Variants in GNB1 observed in about 807,000 individuals in gnomAD.
GNB1 encodes the protein guanine nucleotide-binding protein G(I)/G(S)/G(T) subunit beta-1.
Under a neutral mutation model 42.9 loss-of-function variants are expected in GNB1, and 2 were observed. The ratio of observed to expected loss-of-function variants is 0.05; its 90% CI spans 0.02 to 0.15. GNB1 has a LOEUF of 0.15. Ranked by LOEUF, GNB1 falls within the 10% of genes least tolerant of loss-of-function variation. The pLI is 1.00. For synonymous variants in GNB1, 183 were observed against 174.7 expected, an observed-to-expected ratio of 1.05 and a Z score of -0.38; for missense variants, 193 against 462.2, an observed-to-expected ratio of 0.42 and a Z score of 5.34.
chr1:1,881,349 T>C (rs1649835922), intron 1 of GNB1, among the ~76,000 whole-genome samples: 1 of 152,072 alleles, frequency 6.6e-6, no homozygotes. Context: ...AACTACCAAG[T>C]AATGATCCCC....
At chr1:1,818,777 C>A (rs887079868) in intron 3 of GNB1, among the ~76,000 whole-genome samples, 16 of 152,090 alleles carry the variant, frequency 1.1e-4, no homozygotes, top group African/African-American at 3.9e-4. Context: ...GCAGGAGAAT[C>A]ACTTGAACCC....
chr1:1,792,002 T>C (rs1646487026), intron 8 of GNB1, among the ~76,000 whole-genome samples: 1 of 152,100 alleles, frequency 6.6e-6, no homozygotes, highest in African/African-American at 2.4e-5. Context: ...ACTGCGTGAC[T>C]AGGGGTCTGT....
In GNB1 at chr1:1,831,258, G is replaced by A. The variant is rs556975867; in HGVS notation, c.-46-5759C>T. On this transcript the variant is annotated intron_variant, in intron 2 of 11. Coordinates refer to ENST00000378609, the MANE Select transcript of GNB1 (RefSeq NM_002074.5). ...AGGCTGAGGTGGGAGGATCGCTTGA[G>A]TCCAGGAGTTCAAGGCTGCAGTGAG... 1.3e-4 allele frequency among the ~76,000 whole-genome samples: 20 copies of A among 152,008 alleles called. No homozygotes were observed. In the East Asian group the frequency reaches 3.9e-3, roughly 30 times the overall value.
At chr1:1,830,968 A>C (rs1380878601) in intron 2 of GNB1, among the ~76,000 whole-genome samples, 1 of 152,182 alleles carries the variant, frequency 6.6e-6, no homozygotes, top group Non-Finnish European at 1.5e-5. Flanking sequence ...GTTCGAGACC[A>C]GCCTGGCCAA....
chr1:1,819,915 T>C (rs1004134452), intron 3 of GNB1, among the ~76,000 whole-genome samples: 1 of 152,202 alleles, frequency 6.6e-6, no homozygotes, highest in Non-Finnish European at 1.5e-5. Context: ...GCAAATGGCA[T>C]GTGCAGCCCT....
chr1:1,804,442 C>T lies in GNB1; in HGVS notation c.407G>A (p.Ser136Asn), dbSNP rs1231913780. The T allele has an allele frequency of 1.2e-6, 2 of 1,613,886 alleles. No individual in the cohort carries two copies. Among genetic ancestry groups the T allele is most frequent in the South Asian group, 2.2e-5 (2 of 91,062 alleles). ...ACCTGTGTGTCCTGCCAGCTCACGACTCACGCGCACGTTCCCCTCACGAGT... is the reference window on the plus strand; with the variant it reads ...ACCTGTGTGTCCTGCCAGCTCACGATTCACGCGCACGTTCCCCTCACGAGT... ...LKTREGNVRV[S>N]RELAGHTGYL... Residue 136 changes from serine (S) to asparagine (N), a missense_variant, in exon 7 of 12, where the codon AGT (serine) becomes AAT (asparagine). Physicochemically the swap from Ser to Asn is conservative, Grantham distance 46. This residue lies in a region of GNB1 where 150 missense variants were observed against 410.8 expected (regional missense o/e 0.37). Transcript: ENST00000378609.
At chr1:1,804,352 C>T (rs1646667686) in intron 7 of GNB1, 67 bp downstream of exon 7, 7 of 1,026,558 alleles carry the variant, frequency 6.8e-6, no homozygotes, top group South Asian at 6.7e-5. Context: ...AGTGAGTATC[C>T]AAAGCATATA....
intron 2 of GNB1, among the ~76,000 whole-genome samples, chr1:1,831,732 C>G (rs903279344): frequency 2.0e-5 from 3 of 151,684 alleles, no homozygotes; most frequent in African/African-American, 7.3e-5. Context: ...TACACGCACC[C>G]GGTCACATGT....
intron 1 of GNB1, among the ~76,000 whole-genome samples, chr1:1,887,858 G>A (rs1570768382): frequency 1.3e-5 from 2 of 152,016 alleles, no homozygotes; most frequent in Non-Finnish European, 2.9e-5. Flanking sequence ...CATGTGATCC[G>A]CCCGCCTCCA....
chr1:1,890,622 G>A (rs1435360780), intron 1 of GNB1, among the ~76,000 whole-genome samples, 198 bp downstream of exon 1: 1 of 147,868 alleles, frequency 6.8e-6, no homozygotes, highest in Non-Finnish European at 1.5e-5. Flanking sequence ...CCTAGACCCC[G>A]CCCTCGACCC....
chr1:1,890,778 C>T (rs1650462460), intron 1 of GNB1, 42 bp downstream of exon 1: 1 of 148,472 alleles, frequency 6.7e-6, no homozygotes, highest in African/African-American at 2.4e-5. Flanking sequence ...GGCGGGTGGA[C>T]GAACAGGACC....
chr1:1,799,033 G>A (rs961425272), intron 7 of GNB1, among the ~76,000 whole-genome samples: 18 of 151,720 alleles, frequency 1.2e-4, no homozygotes, highest in African/African-American at 4.1e-4. Flanking sequence ...CCATTCTCCT[G>A]CCTCAGCCTT....
At chr1:1,834,034 G>A (rs1193464898) in intron 2 of GNB1, among the ~76,000 whole-genome samples, 1 of 152,016 alleles carries the variant, frequency 6.6e-6, no homozygotes, top group African/African-American at 2.4e-5. Context: ...AAACTTCAAG[G>A]GAAAAAGGAG....
intron 2 of GNB1, among the ~76,000 whole-genome samples, chr1:1,836,509 A>G (rs192615700): frequency 2.0e-5 from 3 of 148,790 alleles, no homozygotes; most frequent in Admixed American, 6.8e-5. Flanking sequence ...CTCCCACCTC[A>G]GCCTCCCAAG....
At chr1:1,855,915 G>A (rs1406351157) in intron 1 of GNB1, among the ~76,000 whole-genome samples, 1 of 152,240 alleles carries the variant, frequency 6.6e-6, no homozygotes, top group Non-Finnish European at 1.5e-5. Context: ...CTGATCTGGG[G>A]AAGGTGATAA....
intron 1 of GNB1, among the ~76,000 whole-genome samples, chr1:1,886,072 G>A (rs905858191): frequency 6.6e-6 from 1 of 151,548 alleles, no homozygotes; most frequent in Non-Finnish European, 1.5e-5. Context: ...AGAACTTTGG[G>A]AGGCTCAGAC....
At chr1:1,792,633 G>A (rs1470151893) in intron 8 of GNB1, among the ~76,000 whole-genome samples, 1 of 150,356 alleles carries the variant, frequency 6.7e-6, no homozygotes. Flanking sequence ...GGGAGGCAGA[G>A]GTTGCAATGA....
At chr1:1,859,288 C>G (rs1648477271) in intron 1 of GNB1, among the ~76,000 whole-genome samples, 1 of 151,562 alleles carries the variant, frequency 6.6e-6, no homozygotes, top group African/African-American at 2.4e-5. Flanking sequence ...TCCGAAAGTG[C>G]TGGGCTTACA....
intron 1 of GNB1, among the ~76,000 whole-genome samples, chr1:1,879,891 A>G (rs974188138): frequency 3.3e-5 from 5 of 152,104 alleles, no homozygotes; most frequent in African/African-American, 4.8e-5. Flanking sequence ...TCAGTCTCAC[A>G]TAGATATGCA....
Sources: gnomAD v4.1 joint callset for allele counts (sites outside exome capture counted in the v4.1 genomes callset) on GRCh38, gnomAD v4.1.1 for gene constraint, gnomAD v4.1.1 regional missense constraint, MANE v1.5 for transcripts, NCBI Gene and HGNC (gene_info 2026-07-23, HGNC 2026-07-21) for gene names.